Variants in RNF169 observed in about 807,000 individuals in gnomAD.
RNF169 encodes the protein E3 ubiquitin-protein ligase RNF169.
Under a neutral mutation model 53.9 loss-of-function variants are expected in RNF169, and 24 were observed. That is an observed-to-expected ratio of 0.45 (90% CI 0.32 to 0.63). RNF169 has a LOEUF of 0.63. Among genes scored for constraint, RNF169 ranks in the 20% least tolerant of loss-of-function variants. RNF169 has a pLI of 0.04. For synonymous variants in RNF169, 396 were observed against 363.5 expected (o/e 1.09, Z -1.02); for missense variants, 883 against 906.2 (o/e 0.97, Z 0.33).
intron 4 of RNF169, among the ~76,000 whole-genome samples, chr11:74,827,608 T>C (rs890023409): frequency 6.6e-6 from 1 of 152,196 alleles, no homozygotes; most frequent in African/African-American, 2.4e-5. Flanking sequence ...GGGATTATAA[T>C]TCAAGATGAG....
At chr11:74,764,341 CTGACTA>C (rs946798374) in intron 1 of RNF169, among the ~76,000 whole-genome samples, 65 of 152,296 alleles carry the variant, frequency 4.3e-4, no homozygotes, top group African/African-American at 1.5e-3. Context: ...CAAGACCAGC[CTGACTA>C]ACATGTTGAA....
At chr11:74,776,511 CAAAAAAAAA>C (rs766527055) in intron 1 of RNF169, among the ~76,000 whole-genome samples, 2 of 82,030 alleles carry the variant, frequency 2.4e-5, no homozygotes, top group Non-Finnish European at 4.8e-5. Flanking sequence ...TTCATTCAGC[CAAAAAAAAA>C]AAAAAAAAAA....
In RNF169 at chr11:74,748,894, G is replaced by A. The variant is rs189351853; in HGVS notation, c.14G>A (p.Gly5Asp). Residue 5 changes from glycine to aspartate, a missense_variant, in exon 1 of 6, where the codon GGT becomes GAT. Gly to Asp is a moderately conservative substitution (Grantham distance 94). Around this residue, in one of 3 missense-constraint regions of RNF169, gnomAD observed 313 missense variants for 279.9 expected, o/e 1.12. Transcript: ENST00000299563. Reference sequence around the variant, plus strand: ...ACGGGAAACAAGATGGCGGCTGCAGGTCCGAGTACTCGGGCCTCTTCCGCG... The same window carrying A: ...ACGGGAAACAAGATGGCGGCTGCAGATCCGAGTACTCGGGCCTCTTCCGCG... MAAA[G>D]PSTRASSAAA... 7.8e-4 allele frequency: 1,123 copies of A among 1,434,618 alleles called. 7 individuals are homozygous for A. In the African/African-American group the frequency reaches 0.015, roughly 19 times the overall value. 88.9% of individuals were successfully genotyped at this position (1,434,618 alleles called of 1,614,324 possible). A position where few individuals can be genotyped will look rare whatever the true frequency, so the allele number is the denominator to read the frequency against.
chr11:74,820,444 A>AG (rs2035993996), intron 4 of RNF169, among the ~76,000 whole-genome samples: 1 of 152,072 alleles, frequency 6.6e-6, no homozygotes, highest in Non-Finnish European at 1.5e-5. Flanking sequence ...AAATGAGGCC[A>AG]GGGCATGAAA....
At chr11:74,791,882 G>C (rs2035584825) in intron 2 of RNF169, among the ~76,000 whole-genome samples, 1 of 152,220 alleles carries the variant, frequency 6.6e-6, no homozygotes, top group African/African-American at 2.4e-5. Flanking sequence ...GCTGACACCT[G>C]CCGGCTCCGT....
chr11:74,750,314 G>C (rs1163523167), intron 1 of RNF169, among the ~76,000 whole-genome samples: 2 of 152,116 alleles, frequency 1.3e-5, no homozygotes, highest in Non-Finnish European at 2.9e-5. Context: ...TGCTTACCTA[G>C]AATGAGATTT....
intron 1 of RNF169, among the ~76,000 whole-genome samples, chr11:74,758,669 T>G (rs1389404303): frequency 6.6e-6 from 1 of 151,336 alleles, no homozygotes; most frequent in Non-Finnish European, 1.5e-5. Flanking sequence ...GCCCGGCTAA[T>G]TTTTTTTTGT....
chr11:74,754,840 C>T (rs531667503), intron 1 of RNF169, among the ~76,000 whole-genome samples: 13 of 152,216 alleles, frequency 8.5e-5, no homozygotes, highest in African/African-American at 2.6e-4. Flanking sequence ...AAACAAAACA[C>T]GAAAATTGAA....
At chr11:74,814,056 C>CACACCCGT (rs1028129136) in intron 3 of RNF169, among the ~76,000 whole-genome samples, 1 of 151,958 alleles carries the variant, frequency 6.6e-6, no homozygotes, top group African/African-American at 2.4e-5. Context: ...CGTGGTGGCT[C>CACACCCGT]ACACCCGTAA....
chr11:74,822,840 C>A (rs917453097), intron 4 of RNF169, among the ~76,000 whole-genome samples: 1 of 152,162 alleles, frequency 6.6e-6, no homozygotes, highest in Non-Finnish European at 1.5e-5. Flanking sequence ...GTTATTTCTG[C>A]ACACATTTTT....
intron 1 of RNF169, among the ~76,000 whole-genome samples, chr11:74,750,948 G>T (rs1374146148): frequency 1.6e-5 from 2 of 128,740 alleles, no homozygotes; most frequent in Admixed American, 9.5e-5. Context: ...TCTCTCAGCT[G>T]ACTGCAACCT....
At chr11:74,802,582 G>T (rs1296099164) in intron 2 of RNF169, among the ~76,000 whole-genome samples, 1 of 152,156 alleles carries the variant, frequency 6.6e-6, no homozygotes, top group Non-Finnish European at 1.5e-5. Context: ...GGTGGAGGTT[G>T]CAGTGAGCCA....
chr11:74,819,852 G>T (rs2035986250), intron 4 of RNF169, among the ~76,000 whole-genome samples: 1 of 152,134 alleles, frequency 6.6e-6, no homozygotes, highest in Admixed American at 6.5e-5. Flanking sequence ...AAAGATCTGT[G>T]TTCTACTTAG....
chr11:74,817,813 T>A, intron 4 of RNF169, 99 bp downstream of exon 4: 1 of 771,296 alleles, frequency 1.3e-6, no homozygotes, highest in East Asian at 2.5e-5. Flanking sequence ...GCTACTTTGG[T>A]GGGGAGGTGG....
intron 4 of RNF169, chr11:74,832,278 T>C (rs2036190663): frequency 6.6e-6 from 1 of 152,066 alleles, no homozygotes; most frequent in Non-Finnish European, 1.5e-5. Context: ...AAAAAGATTT[T>C]AGATTGTCAG....
In RNF169 at chr11:74,840,130, C is replaced by G. The variant is rs941038684; in HGVS notation, c.*3400C>G. The G allele has an allele frequency of 6.6e-6, 1 of 152,336 alleles. No individual in the cohort carries two copies. Among genetic ancestry groups the G allele is most frequent in the Admixed American group, 6.5e-5 (1 of 15,304 alleles). The allele number at this position is 152,336 out of a possible 1,614,324, so 9.4% of individuals were successfully genotyped here. Reference sequence around the variant, plus strand: ...CTGCCACCGTGCCTGACTCATGTAGCTGATGACCGAAGGCTCATCCTTTCT... The same window carrying G: ...CTGCCACCGTGCCTGACTCATGTAGGTGATGACCGAAGGCTCATCCTTTCT... On this transcript the variant is annotated 3_prime_UTR_variant, in exon 6 of 6. Coordinates refer to ENST00000299563, the MANE Select transcript of RNF169 (RefSeq NM_001098638.2).
In RNF169 at chr11:74,815,296, C is replaced by T. The variant is rs374617030; in HGVS notation, c.724-2300C>T. 2.0e-5 allele frequency among the ~76,000 whole-genome samples: 3 copies of T among 152,082 alleles called. No homozygotes were observed. In the East Asian group the frequency reaches 5.8e-4, roughly 29 times the overall value. On this transcript the variant is annotated intron_variant, in intron 3 of 5. Coordinates refer to ENST00000299563, the MANE Select transcript of RNF169 (RefSeq NM_001098638.2). ...TGGCGCTGGGCGCGGTGGCTCACAC[C>T]TGTAATCCCAGCACTTTGGGAGGCC...
rs1044188985 is a variant in RNF169 at position 74,840,583 on chromosome 11, C to G, written c.*3853C>G. On this transcript the variant is annotated 3_prime_UTR_variant, in exon 6 of 6. Transcript: ENST00000299563. ...GCCCACACCTCAATTCAGTAACCAC[C>G]TAATCTCTCCCCCAACCTGATCTCT... is the stretch of plus-strand genomic sequence containing the variant. 6.6e-6 allele frequency: 1 copy of G among 152,184 alleles called. No homozygotes were observed. Among genetic ancestry groups the G allele is most frequent in the Admixed American group, 6.5e-5 (1 of 15,276 alleles). The allele number at this position is 152,184 out of a possible 1,614,324, so 9.4% of individuals were successfully genotyped here.
At chr11:74,752,994 A>C (rs576925268) in intron 1 of RNF169, among the ~76,000 whole-genome samples, 1 of 152,188 alleles carries the variant, frequency 6.6e-6, no homozygotes, top group African/African-American at 2.4e-5. Context: ...TTTGAGACAG[A>C]GTCTTGCTCT....
Sources: allele counts gnomAD v4.1 joint callset (sites outside exome capture counted in the v4.1 genomes callset), GRCh38; gene constraint gnomAD v4.1.1; regional missense constraint gnomAD v4.1.1; transcripts MANE v1.5; gene names NCBI Gene and HGNC (gene_info 2026-07-23, HGNC 2026-07-21).